The following GEMIN2 variants were observed in gnomAD, a reference collection of about 807,000 sequenced individuals.
GEMIN2 encodes the protein gem-associated protein 2.
A neutral mutation model predicts 45.8 loss-of-function variants in GEMIN2; 37 were observed. The ratio of observed to expected loss-of-function variants is 0.81; its 90% CI spans 0.62 to 1.06. The LOEUF is 1.06. Ranked by LOEUF, GEMIN2 falls within the 50% of genes least tolerant of loss-of-function variation. The pLI is 0.00. For missense variants in GEMIN2, 335 were observed against 321.8 expected (o/e 1.04, Z -0.31); for synonymous variants, 101 against 111.5 (o/e 0.91, Z 0.60).
Position 39,122,423 on chromosome 14 carries a change from C to G in GEMIN2, c.373-7C>G. On this transcript the variant is annotated splice_region_variant and splice_polypyrimidine_tract_variant and intron_variant, in intron 4 of 9. Coordinates refer to ENST00000308317, the MANE Select transcript of GEMIN2 (RefSeq NM_003616.3). ...GGAATAAATCAGTTTTTTTTTTTTT[C>G]TTTTAGCCAAAATCTGAAGATGAAG... is the stretch of plus-strand genomic sequence containing the variant. 33 of 1,092,826 alleles carry G rather than the reference C, an allele frequency of 3.0e-5. No individual in the cohort carries two copies. Among genetic ancestry groups the G allele is most frequent in the Non-Finnish European group, 4.0e-5 (31 of 781,804 alleles). The allele number at this position is 1,092,826 out of a possible 1,614,324, so 67.7% of individuals were successfully genotyped here.
intron 5 of GEMIN2, 56 bp from the exon 6 acceptor site, chr14:39,124,936 A>G: frequency 1.1e-6 from 1 of 892,722 alleles, no homozygotes; most frequent in Non-Finnish European, 1.8e-6. Flanking sequence ...GTTTGAAAAA[A>G]AAAAATGAAG....
intron 6 of GEMIN2, 40 bp from the exon 7 acceptor site, chr14:39,128,240 A>C (rs751070183): frequency 9.3e-7 from 1 of 1,079,200 alleles, no homozygotes; most frequent in South Asian, 1.3e-5. Flanking sequence ...ATGTTTTATT[A>C]TTAATACAAC....
At position 39,123,685 on chromosome 14, in the gene GEMIN2, G is replaced by GTTATATATAT. The variant is rs1566532769; in HGVS notation, c.486+1142_486+1143insTTATATATAT. On this transcript the variant is annotated intron_variant, in intron 5 of 9. Transcript: ENST00000308317. Reference sequence around the variant, plus strand: ...TAACATATGCTACATTTCAAAAATAGCTATATATATATATATATATATATT... The same window carrying GTTATATATAT: ...TAACATATGCTACATTTCAAAAATAGTTATATATATCTATATATATATATATATATATATT... Among the ~76,000 whole-genome samples, 21 of 59,612 alleles carry GTTATATATAT rather than the reference G, an allele frequency of 3.5e-4. 1 individual carries two copies. Among genetic ancestry groups the GTTATATATAT allele is most frequent in the African/African-American group, 1.3e-3 (21 of 16,542 alleles). 39.1% of individuals were successfully genotyped at this position (59,612 alleles called of 152,430 possible).
At chr14:39,121,196 C>T (rs1594511374) in intron 4 of GEMIN2, among the ~76,000 whole-genome samples, 1 of 152,092 alleles carries the variant, frequency 6.6e-6, no homozygotes, top group African/African-American at 2.4e-5. Flanking sequence ...CTCTTTTGGA[C>T]ACACCATTGT....
rs190140281 is a variant in GEMIN2, at chr14:39,128,521, C to T, written c.600+173C>T. ...TTTTTTTTTTTTTGAGACAAGGTCTCGCTCTGTTACCCAGGCTGGGGTGCA... is the reference window on the plus strand; with the variant it reads ...TTTTTTTTTTTTTGAGACAAGGTCTTGCTCTGTTACCCAGGCTGGGGTGCA... On this transcript the variant is annotated intron_variant, in intron 7 of 9. Coordinates refer to ENST00000308317, the MANE Select transcript of GEMIN2 (RefSeq NM_003616.3). Among the ~76,000 whole-genome samples, 52 of 105,726 alleles carry T rather than the reference C, an allele frequency of 4.9e-4. 1 individual carries two copies. The East Asian group carries it at 0.014, about 29-fold the overall frequency. 69.4% of individuals were successfully genotyped at this position (105,726 alleles called of 152,430 possible). A position where few individuals can be genotyped will look rare whatever the true frequency, so the allele number is the denominator to read the frequency against.
intron 2 of GEMIN2, among the ~76,000 whole-genome samples, chr14:39,117,592 G>C (rs1594508916): frequency 6.6e-6 from 1 of 152,276 alleles, no homozygotes; most frequent in East Asian, 1.9e-4. Flanking sequence ...ACTCTACTGT[G>C]CTATTGAATG....
intron 7 of GEMIN2, 137 bp downstream of exon 7, chr14:39,128,485 C>CTTTTTTTTTTT (rs71130820): frequency 4.0e-5 from 6 of 148,486 alleles, no homozygotes; most frequent in Non-Finnish European, 6.5e-5. Context: ...TTTTTCTTTT[C>CTTTTTTTTTTT]TTTTTTTTTT....
rs201895560 is a variant in GEMIN2, at chr14:39,128,332, A to G, written c.584A>G (p.Asp195Gly). 9.8e-5 allele frequency: 154 copies of G among 1,564,178 alleles called. No individual in the cohort carries two copies. Among genetic ancestry groups the G allele is most frequent in the Non-Finnish European group, 1.2e-4 (138 of 1,141,218 alleles). The change falls in exon 7 of 10, where the codon GAC becomes GGC. Residue 195 changes from aspartate (D) to glycine (G), a missense_variant. Transcript: ENST00000308317. ...EYLSNWFGER[D>G]FTPELGRWLY... ...CTGAGTAATTGGTTTGGAGAAAGAGACTTTACTCCAGAATTGGTAGTATTG... is the reference window on the plus strand; with the variant it reads ...CTGAGTAATTGGTTTGGAGAAAGAGGCTTTACTCCAGAATTGGTAGTATTG...
At chr14:39,116,772 A>AGC (rs2052513656) in intron 2 of GEMIN2, among the ~76,000 whole-genome samples, 1 of 151,408 alleles carries the variant, frequency 6.6e-6, no homozygotes. Flanking sequence ...ATTGATTGAG[A>AGC]CAGGGTCTCG....
intron 9 of GEMIN2, among the ~76,000 whole-genome samples, chr14:39,135,725 C>T (rs4902419): frequency 0.93 from 141,066 of 152,266 alleles, 65,442 homozygotes; most frequent in East Asian, 0.95. Flanking sequence ...ATGACAAAAT[C>T]TGATTAGTGA....
At chr14:39,123,483 C>G (rs1020740348) in intron 5 of GEMIN2, among the ~76,000 whole-genome samples, 7 of 151,408 alleles carry the variant, frequency 4.6e-5, no homozygotes, top group African/African-American at 9.7e-5. Context: ...ATAACTATGC[C>G]AAGGTGCTAT....
Position 39,128,067 on chromosome 14 carries a change from C to CAAAAAAAAAAAAAAAAAA in GEMIN2, c.532-204_532-187dup, listed in dbSNP as rs1212260025. On this transcript the variant is annotated intron_variant, in intron 6 of 9. Coordinates refer to ENST00000308317, the MANE Select transcript of GEMIN2 (RefSeq NM_003616.3). Reference sequence around the variant, plus strand: ...TGGGCAACAGAGTGAGACTCTATCTCAAAAAAAAAAAAAAAAAAAAAAAAA... The same window carrying CAAAAAAAAAAAAAAAAAA: ...TGGGCAACAGAGTGAGACTCTATCTCAAAAAAAAAAAAAAAAAAAAAAAAAAAAAAAAAAAAAAAAAAA... Among the ~76,000 whole-genome samples the CAAAAAAAAAAAAAAAAAA allele has an allele frequency of 1.9e-4, 2 of 10,552 alleles. 1 individual carries two copies. The highest frequency in any genetic ancestry group is 3.9e-4 in the African/African-American group (2 of 5,070). 6.9% of individuals were successfully genotyped at this position (10,552 alleles called of 152,430 possible).
chr14:39,130,984 A>G (rs2052708123), intron 7 of GEMIN2, among the ~76,000 whole-genome samples: 1 of 151,900 alleles, frequency 6.6e-6, no homozygotes, highest in South Asian at 2.1e-4. Context: ...TGATATTACA[A>G]CTGATGAAAT....
intron 5 of GEMIN2, among the ~76,000 whole-genome samples, chr14:39,123,369 T>A (rs1424770028): frequency 6.6e-6 from 1 of 151,926 alleles, no homozygotes; most frequent in Admixed American, 6.6e-5. Flanking sequence ...ACCCCTCCCC[T>A]GCCCAAGAAA....
Position 39,136,434 on chromosome 14 carries a change from TA to T in GEMIN2, c.771-5del. On this transcript the variant is annotated splice_region_variant and splice_polypyrimidine_tract_variant and intron_variant, in intron 9 of 9. Coordinates refer to ENST00000308317, the MANE Select transcript of GEMIN2 (RefSeq NM_003616.3). ...ATACATAAATTTTTTGTTTTTTTTTTACTAGGTATTTTGACCAACGTGATTT... is the reference window on the plus strand; with the variant it reads ...ATACATAAATTTTTTGTTTTTTTTTTCTAGGTATTTTGACCAACGTGATTT... The T allele has an allele frequency of 6.9e-7, 1 of 1,458,308 alleles. No homozygotes were observed. Among genetic ancestry groups the T allele is most frequent in the Non-Finnish European group, 9.6e-7 (1 of 1,039,442 alleles). 90.3% of individuals were successfully genotyped at this position (1,458,308 alleles called of 1,614,324 possible). A position where few individuals can be genotyped will look rare whatever the true frequency, so the allele number is the denominator to read the frequency against.
At position 39,127,799 on chromosome 14, in the gene GEMIN2, G is replaced by A. The variant is rs1481902281; in HGVS notation, c.532-481G>A. On this transcript the variant is annotated intron_variant, in intron 6 of 9. Transcript: ENST00000308317. ...AAAAGCCTCACTGGGGCTAGGCGCG[G>A]TGCCTCACACCTGTGATCGCAGCAC... Among the ~76,000 whole-genome samples the A allele has an allele frequency of 2.0e-5, 3 of 152,116 alleles. No individual in the cohort carries two copies. In the East Asian group the frequency reaches 5.8e-4, roughly 29 times the overall value.
chr14:39,132,667 T>C, intron 8 of GEMIN2, among the ~76,000 whole-genome samples: 1 of 43,690 alleles, frequency 2.3e-5, no homozygotes, highest in Non-Finnish European at 4.9e-5. Context: ...CTTCAGCCTT[T>C]TTTTTTTTTT....
intron 4 of GEMIN2, among the ~76,000 whole-genome samples, chr14:39,119,070 C>T (rs1274548071): frequency 6.6e-6 from 1 of 152,122 alleles, no homozygotes; most frequent in East Asian, 1.9e-4. Context: ...CTACTGTACC[C>T]AGCCTTTCAT....
chr14:39,127,090 C>CCTTTTTTTTTTTTT (rs760714095), intron 6 of GEMIN2, among the ~76,000 whole-genome samples: 2 of 124,576 alleles, frequency 1.6e-5, no homozygotes, highest in Non-Finnish European at 1.7e-5. Context: ...ACAAATACAT[C>CCTTTTTTTTTTTTT]TTTTTTTTTT....
Sources: allele counts gnomAD v4.1 joint callset (sites outside exome capture counted in the v4.1 genomes callset), GRCh38; gene constraint gnomAD v4.1.1; transcripts MANE v1.5; gene names NCBI Gene and HGNC (gene_info 2026-07-23, HGNC 2026-07-21).